Variants in AGBL1 observed in about 807,000 individuals in gnomAD.
The protein encoded by AGBL1 is cytosolic carboxypeptidase 4.
A neutral mutation model predicts 118.9 loss-of-function variants in AGBL1; 130 were observed. That is an observed-to-expected ratio of 1.09 (90% CI 0.95 to 1.26). AGBL1 has a LOEUF of 1.26. Ranked by LOEUF, AGBL1 falls within the 50% of genes most tolerant of loss-of-function variation. AGBL1 has a pLI of 0.00. For synonymous variants in AGBL1, 555 were observed against 478.9 expected (o/e 1.16, Z -2.08); for missense variants, 1,584 against 1,298.1 (o/e 1.22, Z -3.38).
At chr15:86,433,223 T>A (rs1029568429) in intron 18 of AGBL1, among the ~76,000 whole-genome samples, 2 of 147,624 alleles carry the variant, frequency 1.4e-5, no homozygotes, top group Non-Finnish European at 3.0e-5. Context: ...CTCTTCTTCT[T>A]CTTCTTCTCC....
intron 17 of AGBL1, among the ~76,000 whole-genome samples, chr15:86,320,926 G>C (rs1016247486): frequency 6.6e-6 from 1 of 151,998 alleles, no homozygotes; most frequent in Non-Finnish European, 1.5e-5. Context: ...GTGTTAAACT[G>C]TGCATGCAGT....
intron 22 of AGBL1, among the ~76,000 whole-genome samples, chr15:86,725,751 A>C (rs1189856257): frequency 6.6e-6 from 1 of 152,204 alleles, no homozygotes; most frequent in Non-Finnish European, 1.5e-5. Context: ...TTCTGATGCC[A>C]CTGGTAGGTA....
chr15:86,266,668 C>T lies in AGBL1; in HGVS notation c.1751+211C>T, dbSNP rs182720394. On this transcript the variant is annotated intron_variant, in intron 12 of 22. Transcript: ENST00000614907. ...CTGTAATCCCAGCACTTTGGGAGCC[C>T]GAGGCAGGTGGATCGTGAGTTCAGG... Among the ~76,000 whole-genome samples the T allele has an allele frequency of 2.5e-3, 385 of 152,220 alleles. 1 individual carries two copies. Among genetic ancestry groups the T allele is most frequent in the Non-Finnish European group, 3.9e-3 (262 of 68,026 alleles).
At position 86,789,257 on chromosome 15, in the gene AGBL1, A is replaced by G. The variant is rs1596482099; in HGVS notation, c.3158+114821A>G. Reference sequence around the variant, plus strand: ...CATAGGCTCCATTGTTAGGCAAGGAATATCACATCATGCAACAATGAAATA... The same window carrying G: ...CATAGGCTCCATTGTTAGGCAAGGAGTATCACATCATGCAACAATGAAATA... On this transcript the variant is annotated intron_variant, in intron 22 of 22. Transcript: ENST00000614907. 5.3e-5 allele frequency among the ~76,000 whole-genome samples: 8 copies of G among 152,206 alleles called. No homozygotes were observed. The South Asian group carries it at 1.7e-3, about 32-fold the overall frequency.
intron 18 of AGBL1, 35 bp from the exon 19 acceptor site, chr15:86,522,775 A>G (rs766974407): frequency 6.2e-6 from 10 of 1,604,870 alleles, no homozygotes; most frequent in South Asian, 3.3e-5. Flanking sequence ...TTTCTTCTGA[A>G]TGTGTATTTA....
intron 18 of AGBL1, among the ~76,000 whole-genome samples, chr15:86,454,535 C>A (rs571399140): frequency 6.6e-6 from 1 of 152,022 alleles, no homozygotes; most frequent in Non-Finnish European, 1.5e-5. Flanking sequence ...CAAATTGTGG[C>A]AAATCCATGC....
chr15:86,544,408 C>A (rs1223945479), intron 19 of AGBL1, among the ~76,000 whole-genome samples: 1 of 152,096 alleles, frequency 6.6e-6, no homozygotes, highest in Non-Finnish European at 1.5e-5. Context: ...TCTTATTGAC[C>A]AAAAGATGCT....
intron 24 of AGBL1, among the ~76,000 whole-genome samples, chr15:87,005,419 TCTC>T (rs1417151874): frequency 2.6e-5 from 4 of 152,142 alleles, no homozygotes; most frequent in African/African-American, 9.6e-5. Context: ...AAACTTCTCT[TCTC>T]ACTTCGTTTC....
rs2077229970 is a variant in AGBL1, at chr15:86,158,963, G to A, written c.425G>A (p.Gly142Glu). Residue 142 changes from glycine to glutamate, a missense_variant, in exon 5 of 23, where the codon GGA becomes GAA. Coordinates refer to ENST00000614907, the MANE Select transcript of AGBL1 (RefSeq NM_001386094.1). Reference sequence around the variant, plus strand: ...ATGGGAGCCATGCTGGGAATTAATGGAGCCATGGAACTGCTTTTCAAGGTT... The same window carrying A: ...ATGGGAGCCATGCTGGGAATTAATGAAGCCATGGAACTGCTTTTCAAGGTT... ...VSMGAMLGIN[G>E]AMELLFKVIT... The A allele has an allele frequency of 6.2e-7, 1 of 1,613,322 alleles. No individual in the cohort carries two copies. Among genetic ancestry groups the A allele is most frequent in the Admixed American group, 1.7e-5 (1 of 59,988 alleles).
intron 22 of AGBL1, among the ~76,000 whole-genome samples, chr15:86,843,776 G>A (rs552447725): frequency 5.9e-5 from 9 of 152,222 alleles, no homozygotes; most frequent in Admixed American, 3.9e-4. Context: ...CAAGGTAAGC[G>A]TAAGGCTCAA....
intron 22 of AGBL1, among the ~76,000 whole-genome samples, chr15:86,785,769 A>G (rs2078403864): frequency 6.6e-6 from 1 of 152,204 alleles, no homozygotes; most frequent in Non-Finnish European, 1.5e-5. Flanking sequence ...AGAAAATCAC[A>G]AGAAATAAAT....
chr15:86,349,622 A>G (rs1432062141), intron 17 of AGBL1, among the ~76,000 whole-genome samples: 1 of 152,230 alleles, frequency 6.6e-6, no homozygotes, highest in Non-Finnish European at 1.5e-5. Context: ...TCCTAAATAA[A>G]TGAACAAAAA....
chr15:86,625,423 T>TG (rs1278224639), intron 21 of AGBL1, among the ~76,000 whole-genome samples: 1 of 130,552 alleles, frequency 7.7e-6, no homozygotes, highest in African/African-American at 2.8e-5. Context: ...ACTGAGGGCC[T>TG]GTGAGACTAA....
chr15:86,381,747 T>A (rs1459370270), intron 17 of AGBL1, among the ~76,000 whole-genome samples: 1 of 152,028 alleles, frequency 6.6e-6, no homozygotes, highest in Non-Finnish European at 1.5e-5. Flanking sequence ...TGAGAGGGCT[T>A]TCCTGCAGAA....
chr15:86,171,783 A>G (rs1428079632), intron 5 of AGBL1, among the ~76,000 whole-genome samples: 1 of 152,220 alleles, frequency 6.6e-6, no homozygotes, highest in Non-Finnish European at 1.5e-5. Context: ...AGAATATAGA[A>G]CCAGCCCAAA....
chr15:86,863,465 C>G (rs2079586024), intron 22 of AGBL1, among the ~76,000 whole-genome samples: 1 of 151,660 alleles, frequency 6.6e-6, no homozygotes, highest in Non-Finnish European at 1.5e-5. Context: ...ACAGCATGGC[C>G]AGGAAGCCAC....
intron 17 of AGBL1, among the ~76,000 whole-genome samples, chr15:86,364,355 T>C (rs573169508): frequency 4.4e-4 from 67 of 152,352 alleles, no homozygotes; most frequent in Middle Eastern, 3.4e-3. Context: ...GTTATTATAA[T>C]TTGATAGTTA....
intron 4 of AGBL1, 78 bp from the exon 5 acceptor site, chr15:86,158,855 A>T: frequency 1.6e-6 from 2 of 1,287,790 alleles, no homozygotes; most frequent in Non-Finnish European, 2.3e-6. Context: ...TTAAAGATTT[A>T]AAGGAGTCAA....
chr15:86,111,798 C>T (rs1307413783), intron 1 of AGBL1, among the ~76,000 whole-genome samples: 1 of 152,202 alleles, frequency 6.6e-6, no homozygotes, highest in African/African-American at 2.4e-5. Context: ...ATGTTAGGAA[C>T]CAGGCCACAC....
Sources: allele counts gnomAD v4.1 joint callset (sites outside exome capture counted in the v4.1 genomes callset), GRCh38; gene constraint gnomAD v4.1.1; transcripts MANE v1.5; gene names NCBI Gene and HGNC (gene_info 2026-07-23, HGNC 2026-07-21).